DPH6: variants seen among roughly 807,000 people sequenced by gnomAD.
DPH6 encodes diphthine--ammonia ligase.
A neutral mutation model predicts 38.2 loss-of-function variants in DPH6; 33 were observed. That is an observed-to-expected ratio of 0.86 (90% CI 0.65 to 1.15). DPH6 has a LOEUF of 1.15. DPH6 is among the 50% of genes most tolerant of loss of function. DPH6 has a pLI of 0.00. For synonymous variants in DPH6, 108 were observed against 103.0 expected (o/e 1.05, Z -0.30); for missense variants, 325 against 320.0 (o/e 1.02, Z -0.12).
intron 3 of DPH6, among the ~76,000 whole-genome samples, chr15:35,359,102 T>C (rs942099653): frequency 2.0e-5 from 3 of 151,574 alleles, no homozygotes; most frequent in Non-Finnish European, 2.9e-5. Flanking sequence ...GTCACTGGAG[T>C]TGTGTACCTA....
intron 6 of DPH6, among the ~76,000 whole-genome samples, chr15:35,395,897 T>C (rs1007699354): frequency 6.6e-6 from 1 of 152,176 alleles, no homozygotes; most frequent in African/African-American, 2.4e-5. Flanking sequence ...TAGAACTGGG[T>C]ATAGAAGTTC....
intron 5 of DPH6, among the ~76,000 whole-genome samples, chr15:35,437,611 T>C (rs2053734372): frequency 6.6e-6 from 1 of 152,220 alleles, no homozygotes. Flanking sequence ...AAAGGATTTG[T>C]GAGGCTGGTC....
At chr15:35,229,158 C>T (rs986358318) in intron 3 of DPH6, among the ~76,000 whole-genome samples, 1 of 152,126 alleles carries the variant, frequency 6.6e-6, no homozygotes, top group Non-Finnish European at 1.5e-5. Flanking sequence ...TTCCCTACCT[C>T]CTCTTTAAGG....
chr15:35,491,374 A>C (rs2054475296), intron 3 of DPH6, among the ~76,000 whole-genome samples: 1 of 151,922 alleles, frequency 6.6e-6, no homozygotes, highest in African/African-American at 2.4e-5. Flanking sequence ...ATAAGGAAAA[A>C]TTTTCTACAA....
chr15:35,484,208 G>A (rs749990849), intron 3 of DPH6, among the ~76,000 whole-genome samples: 1 of 152,234 alleles, frequency 6.6e-6, no homozygotes, highest in African/African-American at 2.4e-5. Context: ...TAGGGAAATA[G>A]TGATGGAACA....
intron 3 of DPH6, among the ~76,000 whole-genome samples, chr15:35,347,276 A>G (rs917439843): frequency 6.6e-6 from 1 of 152,066 alleles, no homozygotes; most frequent in Admixed American, 6.6e-5. Context: ...ACTTAGCATA[A>G]TGTCCTCAAG....
At chr15:35,243,339 T>G (rs1423559640) in intron 3 of DPH6, among the ~76,000 whole-genome samples, 4 of 142,002 alleles carry the variant, frequency 2.8e-5, no homozygotes, top group Non-Finnish European at 6.1e-5. Flanking sequence ...CCCAAAAATT[T>G]TCGCCGCCCC....
At chr15:35,150,847 C>T in the DPH6 span, among the ~76,000 whole-genome samples, 5,017 of 152,188 alleles carry the variant, frequency 0.033, 238 homozygotes, top group African/African-American at 0.11. Flanking sequence ...GCCAAAAATT[C>T]GAATTTCCGT....
chr15:35,418,256 AT>A (rs1444525891), intron 5 of DPH6, among the ~76,000 whole-genome samples: 2 of 152,170 alleles, frequency 1.3e-5, no homozygotes. Flanking sequence ...ACATTAGTTA[AT>A]GTTGACATAA....
intron 3 of DPH6, among the ~76,000 whole-genome samples, chr15:35,459,051 T>G (rs1006980857): frequency 6.6e-6 from 1 of 152,230 alleles, no homozygotes; most frequent in Non-Finnish European, 1.5e-5. Context: ...GAAAATACTC[T>G]GTTTATTTAG....
At chr15:35,330,020 T>G (rs2052315196), downstream of DPH6, among the ~76,000 whole-genome samples, 1 of 152,204 alleles carries the variant, frequency 6.6e-6, no homozygotes, top group African/African-American at 2.4e-5. Flanking sequence ...TAGAGAATTT[T>G]TGCATTAATT....
downstream of DPH6, among the ~76,000 whole-genome samples, chr15:35,367,296 T>A (rs2052669674): frequency 6.6e-6 from 1 of 151,886 alleles, no homozygotes; most frequent in Non-Finnish European, 1.5e-5. Flanking sequence ...AACTTTGTCT[T>A]TCTATAAATA....
chr15:35,485,613 C>T (rs2054387100), intron 3 of DPH6, among the ~76,000 whole-genome samples: 1 of 152,202 alleles, frequency 6.6e-6, no homozygotes, highest in South Asian at 2.1e-4. Context: ...TCATTAGTCA[C>T]TGATCAGTTG....
At chr15:35,182,740 TTTTG>T in the DPH6 span, among the ~76,000 whole-genome samples, 1 of 152,196 alleles carries the variant, frequency 6.6e-6, no homozygotes, top group African/African-American at 2.4e-5. Flanking sequence ...GCTCTTTCAG[TTTTG>T]TTTTTGTGTA....
At chr15:35,190,153 C>T in the DPH6 span, among the ~76,000 whole-genome samples, 4 of 152,178 alleles carry the variant, frequency 2.6e-5, no homozygotes, top group Admixed American at 6.5e-5. Flanking sequence ...TGGAAGGCAA[C>T]TGTGCTCCCT....
intron 3 of DPH6, among the ~76,000 whole-genome samples, chr15:35,244,711 A>G (rs1595444128): frequency 6.6e-6 from 1 of 152,214 alleles, no homozygotes; most frequent in Non-Finnish European, 1.5e-5. Flanking sequence ...ACAACTTTGG[A>G]TTGTGAAAGA....
chr15:35,182,707 T>G, the DPH6 span, among the ~76,000 whole-genome samples: 1 of 152,220 alleles, frequency 6.6e-6, no homozygotes, highest in Admixed American at 6.5e-5. Context: ...GTGAATAATC[T>G]CAGATAATAA....
At chr15:35,279,338 C>T (rs532912163) in intron 3 of DPH6, among the ~76,000 whole-genome samples, 2 of 151,968 alleles carry the variant, frequency 1.3e-5, no homozygotes, top group African/African-American at 2.4e-5. Flanking sequence ...CTTTGGGGGA[C>T]TATTGAGATG....
intron 3 of DPH6, among the ~76,000 whole-genome samples, chr15:35,232,117 G>A (rs2051522100): frequency 6.6e-6 from 1 of 152,172 alleles, no homozygotes; most frequent in Non-Finnish European, 1.5e-5. Context: ...AGATTATGGA[G>A]GGCTTGCTGT....
Sources: gnomAD v4.1 joint callset for allele counts (sites outside exome capture counted in the v4.1 genomes callset) on GRCh38, gnomAD v4.1.1 for gene constraint, MANE v1.5 for transcripts, NCBI Gene and HGNC (gene_info 2026-07-23, HGNC 2026-07-21) for gene names.